The following SKIC3 variants were observed in gnomAD, a reference collection of about 807,000 sequenced individuals.
The protein encoded by SKIC3 is SKI3 subunit of superkiller complex, also known as superkiller complex protein 3.
At chr5:95,473,602 G>A in the SKIC3 span, among the ~76,000 whole-genome samples, 1 of 152,156 alleles carries the variant, frequency 6.6e-6, no homozygotes, top group African/African-American at 2.4e-5. Context: ...TTTAATAATA[G>A]CCATTCTGAC....
At chr5:95,509,728 G>T in the SKIC3 span, 1 of 1,286,816 alleles carries the variant, frequency 7.8e-7, no homozygotes, top group Non-Finnish European at 1.1e-6. Flanking sequence ...TATGCCTACT[G>T]ATGGTATTAA....
chr5:95,553,404 C>G, the SKIC3 span, among the ~76,000 whole-genome samples: 1 of 152,166 alleles, frequency 6.6e-6, no homozygotes. Context: ...GTAGAAAATA[C>G]GTTCTACATT....
At chr5:95,534,219 A>G in the SKIC3 span, among the ~76,000 whole-genome samples, 1 of 152,020 alleles carries the variant, frequency 6.6e-6, no homozygotes, top group South Asian at 2.1e-4. Flanking sequence ...TCAGGAAAAA[A>G]AAAAAAAAAT....
the SKIC3 span, chr5:95,513,449 T>A: frequency 9.3e-7 from 1 of 1,079,684 alleles, no homozygotes; most frequent in Non-Finnish European, 1.4e-6. Flanking sequence ...TGCCTTGGCA[T>A]CCCAAATCAC....
the SKIC3 span, among the ~76,000 whole-genome samples, chr5:95,515,625 A>G: frequency 6.6e-6 from 1 of 152,134 alleles, no homozygotes; most frequent in Non-Finnish European, 1.5e-5. Flanking sequence ...ATTTAAATTA[A>G]AAAAAGTTCA....
the SKIC3 span, among the ~76,000 whole-genome samples, chr5:95,538,329 GAATCTATGCACA>G: frequency 6.6e-6 from 1 of 151,982 alleles, no homozygotes; most frequent in Non-Finnish European, 1.5e-5. Flanking sequence ...TTCCACAATT[GAATCTATGCACA>G]GATAAATCAT....
At chr5:95,491,064 G>A in the SKIC3 span, 12 of 1,613,004 alleles carry the variant, frequency 7.4e-6, no homozygotes, top group Non-Finnish European at 1.0e-5. Flanking sequence ...ACAGTGATAA[G>A]TCTTGTTAAA....
the SKIC3 span, among the ~76,000 whole-genome samples, chr5:95,486,973 T>G: frequency 6.6e-6 from 1 of 152,148 alleles, no homozygotes; most frequent in African/African-American, 2.4e-5. Flanking sequence ...TACAAAGTAT[T>G]AATCCTGGGT....
chr5:95,538,506 CAAAG>C, the SKIC3 span, among the ~76,000 whole-genome samples: 1 of 151,972 alleles, frequency 6.6e-6, no homozygotes, highest in Non-Finnish European at 1.5e-5. Context: ...CAAATGAACA[CAAAG>C]AAATGAACTT....
chr5:95,523,949 A>T, the SKIC3 span: 3 of 1,120,756 alleles, frequency 2.7e-6, no homozygotes, highest in Admixed American at 5.0e-5. Flanking sequence ...TTCATTAAAC[A>T]TACAAAAATA....
the SKIC3 span, chr5:95,514,746 C>CAA: frequency 8.8e-7 from 1 of 1,138,804 alleles, no homozygotes; most frequent in Admixed American, 2.0e-5. Flanking sequence ...GTGACTGGCA[C>CAA]AAAGTAAGCC....
chr5:95,478,104 G>A, the SKIC3 span, among the ~76,000 whole-genome samples: 1 of 152,008 alleles, frequency 6.6e-6, no homozygotes, highest in South Asian at 2.1e-4. Flanking sequence ...ATATTCTGCT[G>A]TAGTCTATAG....
At chr5:95,518,646 T>C in the SKIC3 span, among the ~76,000 whole-genome samples, 1 of 152,108 alleles carries the variant, frequency 6.6e-6, no homozygotes, top group East Asian at 1.9e-4. Flanking sequence ...CATTTCATTC[T>C]TTTTTATGGC....
At chr5:95,509,601 A>T in the SKIC3 span, 1 of 1,608,554 alleles carries the variant, frequency 6.2e-7, no homozygotes, top group Admixed American at 1.7e-5. Context: ...TACCTTTGGT[A>T]TGCATTTGCT....
the SKIC3 span, among the ~76,000 whole-genome samples, chr5:95,517,885 A>T: frequency 2.6e-5 from 4 of 152,052 alleles, no homozygotes; most frequent in Non-Finnish European, 4.4e-5. Flanking sequence ...ATGGATTAAT[A>T]CTGTTATTGT....
chr5:95,524,253 A>G, the SKIC3 span, among the ~76,000 whole-genome samples: 6 of 152,238 alleles, frequency 3.9e-5, no homozygotes, highest in South Asian at 2.1e-4. Context: ...CTCGTTTTCT[A>G]CAACACATGC....
At chr5:95,545,455 CTTCA>C in the SKIC3 span, among the ~76,000 whole-genome samples, 1 of 152,258 alleles carries the variant, frequency 6.6e-6, no homozygotes, top group South Asian at 2.1e-4. Context: ...CTCCTAAATT[CTTCA>C]TTGTGCCCTC....
chr5:95,543,430 CT>C, the SKIC3 span: 2 of 1,295,596 alleles, frequency 1.5e-6, no homozygotes, highest in East Asian at 4.6e-5. Flanking sequence ...ATATCTACCA[CT>C]TAACAGGGCA....
the SKIC3 span, among the ~76,000 whole-genome samples, chr5:95,473,827 T>C: frequency 1.1e-4 from 16 of 152,226 alleles, no homozygotes; most frequent in Non-Finnish European, 8.8e-5. Context: ...GTCAGATGCA[T>C]AGTTTGTGAA....
Sources: gnomAD v4.1 joint callset for allele counts (sites outside exome capture counted in the v4.1 genomes callset) on GRCh38, gnomAD v4.1.1 for gene constraint, MANE v1.5 for transcripts, NCBI Gene and HGNC (gene_info 2026-07-23, HGNC 2026-07-21) for gene names.